Variants in NFKB2 observed in about 807,000 individuals in gnomAD.
The protein encoded by NFKB2 is nuclear factor NF-kappa-B p100 subunit.
A neutral mutation model predicts 109.3 loss-of-function variants in NFKB2; 21 were observed. The ratio of observed to expected loss-of-function variants is 0.19; its 90% CI spans 0.14 to 0.28. The LOEUF is 0.28. NFKB2 is among the 10% of genes least tolerant of loss of function. The pLI is 1.00. For missense variants in NFKB2, 806 were observed against 1,185.3 expected (o/e 0.68, Z 4.70); for synonymous variants, 478 against 489.9 (o/e 0.98, Z 0.32).
In NFKB2 at chr10:102,397,464, A is replaced by G; in HGVS notation, c.502+56A>G. On this transcript the variant is annotated intron_variant, in intron 7 of 22. Coordinates refer to ENST00000661543, the MANE Select transcript of NFKB2 (RefSeq NM_001322934.2). The surrounding 1 kb of genome is among the most constrained non-coding windows in gnomAD (Gnocchi z 4.7). ...GTGCAGGGGGTGGGTGGGTCATGGG[A>G]GGTGCTCATGGAAGGAGCAGGGAGG... 2 of 1,600,280 alleles carry G rather than the reference A, an allele frequency of 1.2e-6. No individual in the cohort carries two copies. The highest frequency in any genetic ancestry group is 1.7e-4 in the Middle Eastern group (1 of 5,838).
upstream of NFKB2, among the ~76,000 whole-genome samples, chr10:102,395,159 G>T (rs989673339): frequency 2.0e-5 from 3 of 148,946 alleles, no homozygotes; most frequent in Admixed American, 1.3e-4. Context: ...GCCCAGAACC[G>T]GTGCGGTGTG....
chr10:102,400,962 A>G lies in NFKB2; in HGVS notation c.1984A>G (p.Asn662Asp). 2 of 1,613,604 alleles carry G rather than the reference A, an allele frequency of 1.2e-6. No homozygotes were observed. Among genetic ancestry groups the G allele is most frequent in the Non-Finnish European group, 1.7e-6 (2 of 1,179,822 alleles). ...HLVTKLRANVNARTFAGNTPL... is the reference protein window; with the variant it reads ...HLVTKLRANVDARTFAGNTPL... ...GCACCCCCAGCTCCGGGCCAACGTG[A>G]ACGCTCGCACCTTTGCGGGAAACAC... is the stretch of plus-strand genomic sequence containing the variant. Residue 662 changes from asparagine to aspartate, a missense_variant, in exon 18 of 23, where the codon AAC (asparagine) becomes GAC (aspartate). Asn to Asp is a conservative substitution (Grantham distance 23). Around this residue, in one of 10 missense-constraint regions of NFKB2, gnomAD observed 24 missense variants for 23.5 expected, o/e 1.02. Coordinates refer to ENST00000661543, the MANE Select transcript of NFKB2 (RefSeq NM_001322934.2). The surrounding 1 kb of genome is among the most constrained non-coding windows in gnomAD (Gnocchi z 6.3).
In NFKB2 at chr10:102,395,739, C is replaced by T. The variant is rs2061095715; in HGVS notation, c.-130C>T. On this transcript the variant is annotated 5_prime_UTR_variant, in exon 1 of 23. Coordinates refer to ENST00000661543, the MANE Select transcript of NFKB2 (RefSeq NM_001322934.2). ...GCCCCTTCCCCGGCCAAGCCCAACTCCGGATCTCGCTCTCCACCGGATCTC... is the reference window on the plus strand; with the variant it reads ...GCCCCTTCCCCGGCCAAGCCCAACTTCGGATCTCGCTCTCCACCGGATCTC... 3.3e-6 allele frequency: 2 copies of T among 602,400 alleles called. No homozygotes were observed. The highest frequency in any genetic ancestry group is 5.9e-6 in the Non-Finnish European group (2 of 337,062). The allele number at this position is 602,400 out of a possible 1,614,324, so 37.3% of individuals were successfully genotyped here.
At position 102,401,558 on chromosome 10, in the gene NFKB2, T is replaced by C. The variant is rs2061250263; in HGVS notation, c.2293+40T>C. 1 of 1,598,348 alleles carries C rather than the reference T, an allele frequency of 6.3e-7. No individual in the cohort carries two copies. The highest frequency in any genetic ancestry group is 1.3e-5 in the African/African-American group (1 of 74,598). On this transcript the variant is annotated intron_variant, in intron 20 of 22. Coordinates refer to ENST00000661543, the MANE Select transcript of NFKB2 (RefSeq NM_001322934.2). This position sits in a 1 kb window ranked among gnomAD's most constrained non-coding sequence, Gnocchi z 4.2. ...GCATCCCCAGCCCGACTCCTCTGACTCCTCACAGAGGTCTCTTCTCCTTCA... is the reference window on the plus strand; with the variant it reads ...GCATCCCCAGCCCGACTCCTCTGACCCCTCACAGAGGTCTCTTCTCCTTCA...
At position 102,399,638 on chromosome 10, in the gene NFKB2, C is replaced by T. The variant is rs1173462407; in HGVS notation, c.1389C>T (p.Asp463=). 1.9e-6 allele frequency: 3 copies of T among 1,541,020 alleles called. No homozygotes were observed. The highest frequency in any genetic ancestry group is 2.6e-6 in the Non-Finnish European group (3 of 1,142,750). ...AGCGCAGCGCCCGAGCCCTACTCGA[C>T]TACGGCGTCACCGCGGACGCGCGCG... ...LAQRSARALL[D]YGVTADARAL... is the part of the protein sequence containing the mutation. The change falls in exon 14 of 23, where the codon GAC becomes GAT. Residue 463 remains aspartate, a synonymous_variant. Transcript: ENST00000661543.
Position 102,398,547 on chromosome 10 carries a change from G to A in NFKB2, c.991+24G>A. ...AGGTGGAGCTGGGCTGAGGACCTCA[G>A]GGTGCTGGCGGGGGGCCAGGCTGGG... is the stretch of plus-strand genomic sequence containing the variant. On this transcript the variant is annotated intron_variant, in intron 11 of 22. Coordinates refer to ENST00000661543, the MANE Select transcript of NFKB2 (RefSeq NM_001322934.2). The surrounding 1 kb of genome is among the most constrained non-coding windows in gnomAD (Gnocchi z 6.6). The A allele has an allele frequency of 6.2e-7, 1 of 1,611,404 alleles. No individual in the cohort carries two copies. The highest frequency in any genetic ancestry group is 8.5e-7 in the Non-Finnish European group (1 of 1,178,136).
At chr10:102,399,215 CAAAAAAA>C in intron 12 of NFKB2, 66 bp from the exon 13 acceptor site, 1 of 1,224,594 alleles carries the variant, frequency 8.2e-7, no homozygotes, top group Admixed American at 2.6e-5. Context: ...AACTCCGTCT[CAAAAAAA>C]AAAAAAAAAA....
upstream of NFKB2, among the ~76,000 whole-genome samples, chr10:102,395,489 G>A (rs2061088548): frequency 1.3e-5 from 2 of 152,172 alleles, no homozygotes; most frequent in South Asian, 4.1e-4. Flanking sequence ...AGACCCTCCT[G>A]TTCCCTGCCC....
rs1438477157 is a variant in NFKB2 at position 102,402,274 on chromosome 10, G to A, written c.2601G>A (p.Ala867=). 2.0e-5 allele frequency: 31 copies of A among 1,556,248 alleles called. No individual in the cohort carries two copies. Among genetic ancestry groups the A allele is most frequent in the East Asian group, 4.8e-5 (2 of 41,468 alleles). ...CAGCAGAGGTGAAGGAAGACAGTGC[G>A]TACGGGAGCCAGTCAGTGGAGCAGG... The part of the protein sequence containing the change: ...PSTAEVKEDS[A]YGSQSVEQEA... The change falls in exon 23 of 23, where the codon GCG becomes GCA. Residue 867 remains alanine (A), a synonymous_variant. Transcript: ENST00000661543.
rs770791475 is a variant in NFKB2 at position 102,398,873 on chromosome 10, G to A, written c.1117+9G>A. ...CGGAGGAGCTGGAGGAGGTGAGGGG[G>A]TACTGATGGAGGGAGGGGTAAAGGT... On this transcript the variant is annotated intron_variant, in intron 12 of 22. Coordinates refer to ENST00000661543, the MANE Select transcript of NFKB2 (RefSeq NM_001322934.2). The surrounding 1 kb of genome is among the most constrained non-coding windows in gnomAD (Gnocchi z 6.6). 11 of 1,585,792 alleles carry A rather than the reference G, an allele frequency of 6.9e-6. No individual in the cohort carries two copies. The highest frequency in any genetic ancestry group is 5.3e-5 in the Admixed American group (3 of 56,240).
chr10:102,398,099 C>T lies in NFKB2; in HGVS notation c.766+14C>T, dbSNP rs1306594510. 6.2e-7 allele frequency: 1 copy of T among 1,613,790 alleles called. No homozygotes were observed. Among genetic ancestry groups the T allele is most frequent in the Non-Finnish European group, 8.5e-7 (1 of 1,179,756 alleles). ...AGGTGCAGAAAGGTGAGACTGGAGC[C>T]CACTTTGGGCACCAAGGACATCGAG... On this transcript the variant is annotated intron_variant, in intron 9 of 22. Transcript: ENST00000661543. This position sits in a 1 kb window ranked among gnomAD's most constrained non-coding sequence, Gnocchi z 6.6.
chr10:102,396,045 G>T lies in NFKB2; in HGVS notation c.21+65G>T. The T allele has an allele frequency of 1.2e-6, 2 of 1,602,812 alleles. No individual in the cohort carries two copies. Among genetic ancestry groups the T allele is most frequent in the Non-Finnish European group, 1.7e-6 (2 of 1,173,666 alleles). On this transcript the variant is annotated intron_variant, in intron 2 of 22. Transcript: ENST00000661543. This position sits in a 1 kb window ranked among gnomAD's most constrained non-coding sequence, Gnocchi z 5.9. ...CTCGTGTCTGTCCACCTGTCTGCCC[G>T]AGCCCCCTCTGCTGCCTTACACCTG...
Position 102,402,080 on chromosome 10 carries a change from G to C in NFKB2, c.2499G>C (p.Glu833Asp). Reference sequence around the variant, plus strand: ...GCGGGGACCTGGCAGGTCTACTGGAGGCCCTGTCTGACATGGGCCTAGAGG... The same window carrying C: ...GCGGGGACCTGGCAGGTCTACTGGACGCCCTGTCTGACATGGGCCTAGAGG... ...LAGGDLAGLL[E>D]ALSDMGLEEG... The change falls in exon 22 of 23, where the codon GAG becomes GAC. Residue 833 changes from glutamate (E) to aspartate (D), a missense_variant. Around this residue, in one of 10 missense-constraint regions of NFKB2, gnomAD observed 211 missense variants for 268.7 expected, o/e 0.79. Transcript: ENST00000661543. 1 of 1,573,608 alleles carries C rather than the reference G, an allele frequency of 6.4e-7. No homozygotes were observed. The highest frequency in any genetic ancestry group is 8.6e-7 in the Non-Finnish European group (1 of 1,159,120).
In NFKB2 at chr10:102,397,204, C is replaced by T; in HGVS notation, c.396-98C>T. 1 of 1,534,588 alleles carries T rather than the reference C, an allele frequency of 6.5e-7. No individual in the cohort carries two copies. The highest frequency in any genetic ancestry group is 8.9e-7 in the Non-Finnish European group (1 of 1,120,424). ...GCCTAAGTAGAAACTCCAATGGCTT[C>T]CTTGAGGAAGTAAGGCTGAGCTGAG... On this transcript the variant is annotated intron_variant, in intron 6 of 22. Transcript: ENST00000661543. This position sits in a 1 kb window ranked among gnomAD's most constrained non-coding sequence, Gnocchi z 4.7.
At position 102,397,914 on chromosome 10, in the gene NFKB2, C is replaced by A; in HGVS notation, c.662-67C>A. The stretch of plus-strand genomic sequence containing the variant: ...GGTTGCTGAGATAAGGAATACAAAG[C>A]CCCCAGCTTCTTAAATGTGGCCTTG... On this transcript the variant is annotated intron_variant, in intron 8 of 22. Transcript: ENST00000661543. The surrounding 1 kb of genome is among the most constrained non-coding windows in gnomAD (Gnocchi z 4.7). The A allele has an allele frequency of 2.0e-6, 3 of 1,509,508 alleles. No homozygotes were observed. The highest frequency in any genetic ancestry group is 2.8e-6 in the Non-Finnish European group (3 of 1,087,692). 93.5% of individuals were successfully genotyped at this position (1,509,508 alleles called of 1,614,324 possible). A position where few individuals can be genotyped will look rare whatever the true frequency, so the allele number is the denominator to read the frequency against.
Position 102,399,453 on chromosome 10 carries a change from G to A in NFKB2, c.1283G>A (p.Arg428Lys). 1.3e-6 allele frequency: 2 copies of A among 1,514,822 alleles called. No homozygotes were observed. The highest frequency in any genetic ancestry group is 1.2e-5 in the South Asian group (1 of 80,720). The allele number at this position is 1,514,822 out of a possible 1,614,324, so 93.8% of individuals were successfully genotyped here. Residue 428 changes from arginine to lysine, a missense_variant, in exon 13 of 23, where the codon AGG becomes AAG. By Grantham distance (26) the Arg-to-Lys change is conservative. Around this residue, in one of 10 missense-constraint regions of NFKB2, gnomAD observed 209 missense variants for 211.9 expected, o/e 0.99. Transcript: ENST00000661543. ...EEAAEPSAPS[R>K]TPQCEPQAPE... is the part of the protein sequence containing the mutation. ...GCCGCGGAGCCAAGCGCCCCCTCCA[G>A]GACCCCCCAGTGCGAGCCGCAGGCC... is the stretch of plus-strand genomic sequence containing the variant.
At chr10:102,395,563 T>C (rs1398796893), upstream of NFKB2, 1 of 341,456 alleles carries the variant, frequency 2.9e-6, no homozygotes, top group Non-Finnish European at 5.5e-6. Context: ...CTCTGCCCGC[T>C]GAAAAGCAGC....
chr10:102,398,536 T>C lies in NFKB2; in HGVS notation c.991+13T>C. The C allele has an allele frequency of 6.2e-7, 1 of 1,612,872 alleles. No homozygotes were observed. Among genetic ancestry groups the C allele is most frequent in the South Asian group, 1.1e-5 (1 of 91,006 alleles). ...CCTCTGGTGGAAGGTGGAGCTGGGC[T>C]GAGGACCTCAGGGTGCTGGCGGGGG... On this transcript the variant is annotated intron_variant, in intron 11 of 22. Coordinates refer to ENST00000661543, the MANE Select transcript of NFKB2 (RefSeq NM_001322934.2). This position sits in a 1 kb window ranked among gnomAD's most constrained non-coding sequence, Gnocchi z 6.6.
upstream of NFKB2, among the ~76,000 whole-genome samples, chr10:102,395,266 C>A (rs1455115972): frequency 1.3e-5 from 2 of 152,174 alleles, no homozygotes; most frequent in Non-Finnish European, 2.9e-5. Context: ...GTTCTCGGGG[C>A]AGAACCCCGG....
Sources: gnomAD v4.1 joint callset for allele counts (sites outside exome capture counted in the v4.1 genomes callset) on GRCh38, gnomAD v4.1.1 for gene constraint, gnomAD v4.1.1 regional missense constraint, Gnocchi (gnomAD v3.1) non-coding constraint, MANE v1.5 for transcripts, NCBI Gene and HGNC (gene_info 2026-07-23, HGNC 2026-07-21) for gene names.